Variants in ZBBX observed in about 807,000 individuals in gnomAD.
ZBBX encodes zinc finger B-box domain containing, also known as zinc finger B-box domain-containing protein 1.
A neutral mutation model predicts 108.5 loss-of-function variants in ZBBX; 101 were observed. The observed-to-expected ratio is 0.93, with a 90% confidence interval of 0.79 to 1.10. The LOEUF (loss-of-function observed/expected upper bound fraction) is 1.10. Among genes scored for constraint, ZBBX ranks in the 50% least tolerant of loss-of-function variants. The pLI is 0.00. For missense variants in ZBBX, 1,009 were observed against 941.4 expected (o/e 1.07, Z -0.94); for synonymous variants, 356 against 323.4 (o/e 1.10, Z -1.08).
Position 167,330,744 on chromosome 3 carries a change from A to G in ZBBX, c.688-2628T>C, listed in dbSNP as rs559150735. Among the ~76,000 whole-genome samples, 9 of 151,066 alleles carry G rather than the reference A, an allele frequency of 6.0e-5. No homozygotes were observed. In the South Asian group the frequency reaches 1.9e-3, roughly 32 times the overall value. On this transcript the variant is annotated intron_variant, in intron 10 of 21. Transcript: ENST00000675490. ...ATTCTAGTCTGTGCAACAGAGCAAG[A>G]CTCTGTCTCACATGAAGAAGAAGAA...
chr3:167,218,791 T>G, the ZBBX span, among the ~76,000 whole-genome samples: 3 of 152,064 alleles, frequency 2.0e-5, no homozygotes, highest in African/African-American at 7.2e-5. Flanking sequence ...CTGATAAGAT[T>G]GCATATAAAT....
At chr3:167,308,486 C>T (rs1193311528) in intron 16 of ZBBX, among the ~76,000 whole-genome samples, 1 of 152,066 alleles carries the variant, frequency 6.6e-6, no homozygotes, top group African/African-American at 2.4e-5. Flanking sequence ...ATAAATCATT[C>T]TATTATAAAG....
At chr3:167,371,712 G>T (rs1014279472) in intron 4 of ZBBX, among the ~76,000 whole-genome samples, 1 of 152,030 alleles carries the variant, frequency 6.6e-6, no homozygotes, top group Non-Finnish European at 1.5e-5. Context: ...AAAATTGGTA[G>T]TCCTAGCAAT....
At chr3:167,252,670 G>A (rs865861262) in intron 20 of ZBBX, among the ~76,000 whole-genome samples, 2 of 151,894 alleles carry the variant, frequency 1.3e-5, no homozygotes, top group South Asian at 2.1e-4. Context: ...AGCCCTGGCA[G>A]TTCACAGGCT....
chr3:167,256,523 C>A (rs1339544275), intron 20 of ZBBX, among the ~76,000 whole-genome samples: 5 of 148,268 alleles, frequency 3.4e-5, no homozygotes, highest in Non-Finnish European at 7.4e-5. Flanking sequence ...TATAGTAACC[C>A]TGTTGTGCTA....
At chr3:167,236,210 A>G (rs1346147348), downstream of ZBBX, among the ~76,000 whole-genome samples, 1 of 151,780 alleles carries the variant, frequency 6.6e-6, no homozygotes, top group African/African-American at 2.4e-5. Flanking sequence ...AAATTAATTT[A>G]TATATCTAGC....
In ZBBX at chr3:167,327,975, T is replaced by C. The variant is rs748725509; in HGVS notation, c.829A>G (p.Asn277Asp). The C allele has an allele frequency of 2.5e-6, 4 of 1,611,902 alleles. No homozygotes were observed. Among genetic ancestry groups the C allele is most frequent in the Non-Finnish European group, 3.4e-6 (4 of 1,179,558 alleles). The stretch of plus-strand genomic sequence containing the variant: ...GCTGCATGTAAATTCTGTTTCTTGT[T>C]GTCATCATGATTTCCGGTTCTCCAT... ...SQWRTGNHDD[N>D]KKQNLHAAVK... Residue 277 changes from asparagine (N) to aspartate (D), a missense_variant, in exon 11 of 22, where the codon AAC (asparagine) becomes GAC (aspartate). Asn to Asp is a conservative substitution (Grantham distance 23, BLOSUM62 1). Transcript: ENST00000675490.
At chr3:167,348,197 A>AGAAG (rs1325830045) in intron 9 of ZBBX, among the ~76,000 whole-genome samples, 5 of 101,780 alleles carry the variant, frequency 4.9e-5, no homozygotes, top group Non-Finnish European at 9.7e-5. Context: ...GAAAGATGAA[A>AGAAG]GAAGGAAGGA....
chr3:167,203,610 A>G, the ZBBX span, among the ~76,000 whole-genome samples: 2 of 152,186 alleles, frequency 1.3e-5, no homozygotes, highest in Admixed American at 1.3e-4. Context: ...ATTTAAAAAG[A>G]AATGAATAAA....
chr3:167,192,671 T>G, the ZBBX span, among the ~76,000 whole-genome samples: 1 of 152,284 alleles, frequency 6.6e-6, no homozygotes, highest in South Asian at 2.1e-4. Flanking sequence ...TTTTCATTCT[T>G]TTTTCCCTGA....
At chr3:167,313,863 CT>C in intron 16 of ZBBX, 110 bp downstream of exon 16, 1 of 960,738 alleles carries the variant, frequency 1.0e-6, no homozygotes, top group Non-Finnish European at 1.5e-6. Context: ...CATTTTAGTA[CT>C]GAGGTTTTTT....
At chr3:167,321,011 TA>T (rs1202411974) in intron 12 of ZBBX, among the ~76,000 whole-genome samples, 2 of 152,018 alleles carry the variant, frequency 1.3e-5, no homozygotes, top group African/African-American at 4.8e-5. Flanking sequence ...ATGCTGATGA[TA>T]AAATTAAGGT....
At position 167,288,972 on chromosome 3, in the gene ZBBX, A is replaced by C; in HGVS notation, c.1891T>G (p.Trp631Gly). 2 of 1,531,624 alleles carry C rather than the reference A, an allele frequency of 1.3e-6. No individual in the cohort carries two copies. The highest frequency in any genetic ancestry group is 1.8e-6 in the Non-Finnish European group (2 of 1,135,712). 94.9% of individuals were successfully genotyped at this position (1,531,624 alleles called of 1,614,324 possible). A position where few individuals can be genotyped will look rare whatever the true frequency, so the allele number is the denominator to read the frequency against. The part of the protein sequence containing the change: ...TRITLAEDRE[W>G]IPDHSLSEYA... Reference sequence around the variant, plus strand: ...TCACTTAAGCTATGGTCTGGAATCCATTCTCTGTCTTCTGAAATTGAAAAA... The same window carrying C: ...TCACTTAAGCTATGGTCTGGAATCCCTTCTCTGTCTTCTGAAATTGAAAAA... The change falls in exon 19 of 22, where the codon TGG becomes GGG. Residue 631 changes from tryptophan to glycine, a missense_variant. Trp to Gly is a radical substitution (Grantham distance 184). Transcript: ENST00000675490.
At chr3:167,368,596 G>A (rs993901578) in intron 4 of ZBBX, 22 bp from the exon 5 acceptor site, 41 of 1,525,154 alleles carry the variant, frequency 2.7e-5, no homozygotes, top group Non-Finnish European at 3.4e-5. Flanking sequence ...AGATTTAAAT[G>A]GAGAAAGCAG....
chr3:167,377,175 G>T (rs1476924493), intron 2 of ZBBX, among the ~76,000 whole-genome samples: 2 of 152,054 alleles, frequency 1.3e-5, no homozygotes, highest in Non-Finnish European at 1.5e-5. Flanking sequence ...GTCCATGATG[G>T]TTTGATGATC....
chr3:167,386,357 C>A (rs559727265), intron 1 of ZBBX, among the ~76,000 whole-genome samples: 5 of 152,018 alleles, frequency 3.3e-5, no homozygotes, highest in Non-Finnish European at 4.4e-5. Flanking sequence ...GAACAGAGAA[C>A]CCTGACTTAA....
intron 20 of ZBBX, among the ~76,000 whole-genome samples, chr3:167,251,925 A>AGCACACACACACACAC (rs1553781535): frequency 7.0e-6 from 1 of 143,724 alleles, no homozygotes; most frequent in Non-Finnish European, 1.5e-5. Context: ...TTGTGCCTGC[A>AGCACACACACACACAC]ACACACACAC....
At chr3:167,286,783 T>C (rs1397432206) in intron 19 of ZBBX, among the ~76,000 whole-genome samples, 2 of 152,124 alleles carry the variant, frequency 1.3e-5, no homozygotes, top group Admixed American at 6.6e-5. Context: ...GATTAAGTTG[T>C]GGCAGGGATG....
chr3:167,252,241 G>C, intron 20 of ZBBX: 1 of 1,216,420 alleles, frequency 8.2e-7, no homozygotes, highest in Non-Finnish European at 1.1e-6. Context: ...AGTCAGAGAG[G>C]TTGCTGTACA....
Sources: allele counts gnomAD v4.1 joint callset (sites outside exome capture counted in the v4.1 genomes callset), GRCh38; gene constraint gnomAD v4.1.1; transcripts MANE v1.5; gene names NCBI Gene and HGNC (gene_info 2026-07-23, HGNC 2026-07-21).